Variants in KCNMA1 observed in about 807,000 individuals in gnomAD.
KCNMA1 encodes Calcium-activated potassium channel subunit alpha-1.
In KCNMA1, 29 loss-of-function variants were observed where a neutral mutation model predicts 140.0. The ratio of observed to expected loss-of-function variants is 0.21; its 90% CI spans 0.15 to 0.28. The LOEUF (loss-of-function observed/expected upper bound fraction) is 0.28. KCNMA1 is among the 10% of genes least tolerant of loss of function. The pLI, the probability that KCNMA1 is intolerant of heterozygous loss-of-function variation, is 1.00. For missense variants in KCNMA1, 880 were observed against 1,602.2 expected (o/e 0.55, Z 7.70); for synonymous variants, 612 against 611.9 (o/e 1.00, Z 0.00).
chr10:77,418,194 G>A (rs2096784869), intron 1 of KCNMA1, among the ~76,000 whole-genome samples: 1 of 152,144 alleles, frequency 6.6e-6, no homozygotes. Context: ...TGGATTCAGA[G>A]AACTCCTTCT....
chr10:76,887,282 T>C lies in KCNMA1; in HGVS notation c.3695A>G (p.Gln1232Arg), dbSNP rs1335328008. The C allele has an allele frequency of 6.2e-7, 1 of 1,614,054 alleles. No homozygotes were observed. Among genetic ancestry groups the C allele is most frequent in the African/African-American group, 1.3e-5 (1 of 74,930 alleles). Residue 1232 changes from glutamine to arginine, a missense_variant, in exon 28 of 28, where the codon CAG becomes CGG. Coordinates refer to ENST00000286628, the MANE Select transcript of KCNMA1 (RefSeq NM_001161352.2). ...RESRDKQKYV[Q>R]EERL ...ATACACATATCAAAGCCGCTCTTCC[T>C]GCACGTACTTCTGTTTGTCCCGGGA...
chr10:77,466,562 T>A (rs2098019562), intron 1 of KCNMA1, among the ~76,000 whole-genome samples: 1 of 152,208 alleles, frequency 6.6e-6, no homozygotes, highest in African/African-American at 2.4e-5. Flanking sequence ...AAACAAATAC[T>A]ACATATTACA....
chr10:76,941,518 G>A (rs552308275), intron 23 of KCNMA1, among the ~76,000 whole-genome samples: 1 of 152,158 alleles, frequency 6.6e-6, no homozygotes, highest in African/African-American at 2.4e-5. Flanking sequence ...GCCTTTACAA[G>A]GTTAGAGTAT....
chr10:76,883,741 T>TTTTTTG (rs60788135), downstream of KCNMA1, among the ~76,000 whole-genome samples: 1 of 127,700 alleles, frequency 7.8e-6, no homozygotes, highest in African/African-American at 3.1e-5. Flanking sequence ...TTTTTTTTTT[T>TTTTTTG]GCGGGAGGCA....
In KCNMA1 at chr10:77,148,738, C is replaced by T. The variant is rs560490678; in HGVS notation, c.809-27690G>A. ...GCGGCCATTGGAGTGAGAAAACTAG[C>T]CACAGATGATACAAAAATGAATGAG... is the stretch of plus-strand genomic sequence containing the variant. On this transcript the variant is annotated intron_variant, in intron 5 of 27. Coordinates refer to ENST00000286628, the MANE Select transcript of KCNMA1 (RefSeq NM_001161352.2). Among the ~76,000 whole-genome samples the T allele has an allele frequency of 5.3e-5, 8 of 152,246 alleles. No individual in the cohort carries two copies. In the South Asian group the frequency reaches 1.7e-3, roughly 32 times the overall value.
rs796710174 is a variant in KCNMA1 at position 77,270,530 on chromosome 10, CT to C, written c.541-19275del. On this transcript the variant is annotated intron_variant, in intron 2 of 27. Coordinates refer to ENST00000286628, the MANE Select transcript of KCNMA1 (RefSeq NM_001161352.2). ...TTTTCTTTTCTCTCTCTCTCTCTTT[CT>C]TTTTTTTTTTTCCAGGGTCTTGCTC... Among the ~76,000 whole-genome samples the C allele has an allele frequency of 4.1e-3, 587 of 142,410 alleles. 5 individuals carry two copies. The highest frequency in any genetic ancestry group is 0.012 in the African/African-American group (461 of 38,894). 93.4% of individuals were successfully genotyped at this position (142,410 alleles called of 152,430 possible).
chr10:77,600,790 T>C (rs534927687), intron 1 of KCNMA1, among the ~76,000 whole-genome samples: 5 of 151,546 alleles, frequency 3.3e-5, no homozygotes, highest in Non-Finnish European at 7.4e-5. Flanking sequence ...TATGCGCACA[T>C]GCACACACAC....
intron 26 of KCNMA1, 130 bp from the exon 27 acceptor site, chr10:76,889,699 AGGG>A: frequency 1.3e-6 from 1 of 776,538 alleles, no homozygotes. Context: ...CCATGTGCCA[AGGG>A]ACGGCAGTGG....
At chr10:77,501,473 G>C (rs537113145) in intron 1 of KCNMA1, among the ~76,000 whole-genome samples, 4 of 152,328 alleles carry the variant, frequency 2.6e-5, no homozygotes, top group East Asian at 1.9e-4. Flanking sequence ...GCTGATCACT[G>C]CTGCATGAGG....
chr10:77,523,473 T>G (rs983402243), intron 1 of KCNMA1, among the ~76,000 whole-genome samples: 2 of 152,206 alleles, frequency 1.3e-5, no homozygotes, highest in Non-Finnish European at 2.9e-5. Context: ...TGGTAACCTC[T>G]ACCTGGGAGA....
intron 1 of KCNMA1, among the ~76,000 whole-genome samples, chr10:77,548,289 G>A (rs1331675341): frequency 1.3e-5 from 2 of 152,164 alleles, no homozygotes; most frequent in African/African-American, 4.8e-5. Context: ...AACATGCCTG[G>A]TGCAATCATG....
At chr10:77,081,989 AATTTCTTT>A in intron 12 of KCNMA1, among the ~76,000 whole-genome samples, 4 of 105,634 alleles carry the variant, frequency 3.8e-5, no homozygotes, top group Non-Finnish European at 3.8e-5. Flanking sequence ...TTTGACCAGT[AATTTCTTT>A]TTTTCTTTTC....
At chr10:77,615,239 C>A (rs565482891) in intron 1 of KCNMA1, among the ~76,000 whole-genome samples, 3 of 152,262 alleles carry the variant, frequency 2.0e-5, no homozygotes, top group Non-Finnish European at 4.4e-5. Context: ...TGCCTCTGGT[C>A]CATTCACCAT....
intron 2 of KCNMA1, among the ~76,000 whole-genome samples, chr10:77,273,971 G>A (rs371471587): frequency 1.6e-4 from 24 of 152,284 alleles, no homozygotes; most frequent in African/African-American, 5.8e-4. Context: ...TGGAAAGGAG[G>A]CATTCATGTT....
At chr10:77,474,962 T>A (rs1205462823) in intron 1 of KCNMA1, among the ~76,000 whole-genome samples, 1 of 152,226 alleles carries the variant, frequency 6.6e-6, no homozygotes, top group South Asian at 2.1e-4. Flanking sequence ...CCTCAGATCA[T>A]GAGCCTAGAA....
At chr10:77,153,459 T>C (rs948358342) in intron 5 of KCNMA1, among the ~76,000 whole-genome samples, 2 of 152,020 alleles carry the variant, frequency 1.3e-5, no homozygotes, top group Non-Finnish European at 2.9e-5. Flanking sequence ...GCAACCTCAG[T>C]CTCCAGGGCT....
chr10:77,466,087 A>G (rs1352035007), intron 1 of KCNMA1, among the ~76,000 whole-genome samples: 2 of 152,198 alleles, frequency 1.3e-5, no homozygotes, highest in African/African-American at 2.4e-5. Context: ...AAAATAGACC[A>G]TGAGGCCCAG....
chr10:77,525,362 G>C (rs1175157236), intron 1 of KCNMA1, among the ~76,000 whole-genome samples: 1 of 152,190 alleles, frequency 6.6e-6, no homozygotes, highest in Non-Finnish European at 1.5e-5. Flanking sequence ...ATGCCTTGAG[G>C]CTTCTTTAAC....
intron 1 of KCNMA1, among the ~76,000 whole-genome samples, chr10:77,489,773 G>T (rs909360677): frequency 2.6e-5 from 4 of 152,244 alleles, no homozygotes; most frequent in Non-Finnish European, 5.9e-5. Flanking sequence ...ATAGAGTAAG[G>T]CCTCATTCAC....
Sources: allele counts gnomAD v4.1 joint callset (sites outside exome capture counted in the v4.1 genomes callset), GRCh38; gene constraint gnomAD v4.1.1; transcripts MANE v1.5; gene names NCBI Gene and HGNC (gene_info 2026-07-23, HGNC 2026-07-21).